Variants in PTGER3 observed in about 807,000 individuals in gnomAD.
PTGER3 encodes the protein prostaglandin E receptor 3.
Under a neutral mutation model 34.7 loss-of-function variants are expected in PTGER3, and 22 were observed. That is an observed-to-expected ratio of 0.63 (90% confidence interval 0.45 to 0.91). The LOEUF is 0.91. Among genes scored for constraint, PTGER3 ranks in the 40% least tolerant of loss-of-function variants. The probability of loss-of-function intolerance (pLI) is 0.00; values close to 1 mark genes in which losing one functional copy is unlikely to be tolerated. For missense variants in PTGER3, 468 were observed against 519.4 expected (o/e 0.90, Z 0.96); for synonymous variants, 241 against 230.1 (o/e 1.05, Z -0.43).
chr1:71,024,140 C>T (rs573839245), intron 1 of PTGER3, among the ~76,000 whole-genome samples: 3 of 152,212 alleles, frequency 2.0e-5, no homozygotes, highest in Admixed American at 2.0e-4. Context: ...ATTTTTTACC[C>T]TCATGCATCA....
At chr1:71,007,912 T>G in intron 2 of PTGER3, 2 of 985,338 alleles carry the variant, frequency 2.0e-6, no homozygotes, top group Non-Finnish European at 2.4e-6. Flanking sequence ...CAAAAAAGCA[T>G]GAAAAGGCTG....
chr1:70,871,855 A>T (rs1646169802), intron 4 of PTGER3, among the ~76,000 whole-genome samples: 1 of 152,160 alleles, frequency 6.6e-6, no homozygotes, highest in Non-Finnish European at 1.5e-5. Context: ...ATCTAGGGTC[A>T]TTCAATTTTC....
intron 1 of PTGER3, among the ~76,000 whole-genome samples, chr1:71,044,255 G>A (rs948331850): frequency 1.3e-5 from 2 of 151,546 alleles, no homozygotes; most frequent in Non-Finnish European, 2.9e-5. Context: ...TGGCCAACAT[G>A]GTGAAACCCC....
At chr1:71,010,237 T>G (rs1657321586) in intron 2 of PTGER3, 1 of 983,802 alleles carries the variant, frequency 1.0e-6, no homozygotes. Context: ...TTAGTATAAA[T>G]AAAGCACTGT....
At chr1:70,936,132 T>C (rs1649204263) in intron 4 of PTGER3, among the ~76,000 whole-genome samples, 1 of 152,170 alleles carries the variant, frequency 6.6e-6, no homozygotes. Flanking sequence ...AGCTCTAAAC[T>C]GTGTTTTCAA....
At chr1:71,002,396 T>C (rs1199944564) in intron 2 of PTGER3, 1 of 152,262 alleles carries the variant, frequency 6.6e-6, no homozygotes, top group Non-Finnish European at 1.5e-5. Context: ...AATCAAATAA[T>C]TCGACCAAGG....
intron 4 of PTGER3, among the ~76,000 whole-genome samples, chr1:70,890,189 A>G (rs1033344008): frequency 6.6e-6 from 1 of 152,248 alleles, no homozygotes; most frequent in Non-Finnish European, 1.5e-5. Flanking sequence ...AGACAGCAAC[A>G]AAAGTAATAA....
exon 3 of PTGER3, chr1:70,953,788 A>T: frequency 7.2e-7 from 1 of 1,395,116 alleles, no homozygotes; most frequent in South Asian, 1.4e-5. Flanking sequence ...TCTTTTTCTC[A>T]TCTGAAAAAG....
chr1:70,912,628 C>T (rs1328921115), intron 4 of PTGER3, among the ~76,000 whole-genome samples: 1 of 152,036 alleles, frequency 6.6e-6, no homozygotes, highest in Non-Finnish European at 1.5e-5. Context: ...ATCATGGAAC[C>T]AACATATAAG....
chr1:70,969,050 T>C (rs1347244439), downstream of PTGER3, among the ~76,000 whole-genome samples: 1 of 151,734 alleles, frequency 6.6e-6, no homozygotes, highest in Non-Finnish European at 1.5e-5. Flanking sequence ...CTACTAAAAG[T>C]ACAAAAATTA....
chr1:70,955,598 C>A (rs1202161394), intron 2 of PTGER3, among the ~76,000 whole-genome samples: 3 of 152,136 alleles, frequency 2.0e-5, no homozygotes, highest in Non-Finnish European at 4.4e-5. Context: ...TCCTTCTCTG[C>A]ATGATCTAAT....
intron 1 of PTGER3, among the ~76,000 whole-genome samples, chr1:71,034,188 T>TAAC (rs1553179423): frequency 9.9e-5 from 15 of 152,020 alleles, no homozygotes; most frequent in African/African-American, 3.6e-4. Flanking sequence ...TTATGTGAGT[T>TAAC]ATATTAATAA....
rs1406103151 is a variant in PTGER3, at chr1:70,981,316, CTTTCTTCTTTCT to C, written c.1078-6940_1078-6929del. On this transcript the variant is annotated intron_variant, in intron 2 of 3. Coordinates refer to ENST00000306666, the MANE Select transcript of PTGER3 (RefSeq NM_198719.2). ...TCTTCCTTCCTTCCTTCCTTCCTTC[CTTTCTTCTTTCT>C]TTCTTTCTTTCTTTCTTTCTTTCTT... Among the ~76,000 whole-genome samples, 42 of 60,668 alleles carry C rather than the reference CTTTCTTCTTTCT, an allele frequency of 6.9e-4. 1 individual carries two copies. Among genetic ancestry groups the C allele is most frequent in the African/African-American group, 2.6e-3 (40 of 15,360 alleles). The allele number at this position is 60,668 out of a possible 152,430, so 39.8% of individuals were successfully genotyped here.
In PTGER3 at chr1:71,047,772, G is replaced by C; in HGVS notation, c.-195C>G. 2 of 461,462 alleles carry C rather than the reference G, an allele frequency of 4.3e-6. No homozygotes were observed. Among genetic ancestry groups the C allele is most frequent in the Non-Finnish European group, 6.8e-6 (2 of 292,942 alleles). 28.6% of individuals were successfully genotyped at this position (461,462 alleles called of 1,614,324 possible). On this transcript the variant is annotated 5_prime_UTR_variant, in exon 1 of 4. Transcript: ENST00000306666. ...GCGGCGCCAGGGCTCACTGGCCCGG[G>C]AGGGAGCCACGCCTTCCTCTCTGGG...
At chr1:70,963,249 T>C (rs1652135429) in intron 2 of PTGER3, among the ~76,000 whole-genome samples, 1 of 152,278 alleles carries the variant, frequency 6.6e-6, no homozygotes, top group African/African-American at 2.4e-5. Context: ...GCATTGAGTA[T>C]CTAAGGCTTT....
At chr1:70,941,008 G>A (rs475468) in intron 4 of PTGER3, among the ~76,000 whole-genome samples, 36,418 of 152,062 alleles carry the variant, frequency 0.24, 5,375 homozygotes, top group Non-Finnish European at 0.32. Context: ...AGAAGGGAGC[G>A]AGTTATTTGC....
intron 4 of PTGER3, chr1:70,865,833 C>T: frequency 7.4e-7 from 1 of 1,351,214 alleles, no homozygotes; most frequent in Non-Finnish European, 9.9e-7. Context: ...AGAAGAGGAG[C>T]CTGAAGAGAA....
chr1:70,909,796 A>T (rs1647025175), intron 4 of PTGER3, among the ~76,000 whole-genome samples: 1 of 152,210 alleles, frequency 6.6e-6, no homozygotes, highest in East Asian at 1.9e-4. Flanking sequence ...GGATATTACA[A>T]GAAAGGAAAA....
downstream of PTGER3, among the ~76,000 whole-genome samples, chr1:70,950,033 G>A (rs538243706): frequency 1.6e-4 from 24 of 152,250 alleles, no homozygotes; most frequent in African/African-American, 5.3e-4. Flanking sequence ...TTCCCAGCAC[G>A]TACTGGCAGG....
Sources: gnomAD v4.1 joint callset for allele counts (sites outside exome capture counted in the v4.1 genomes callset) on GRCh38, gnomAD v4.1.1 for gene constraint, MANE v1.5 for transcripts, NCBI Gene and HGNC (gene_info 2026-07-23, HGNC 2026-07-21) for gene names.